ANKS1A: variants seen among roughly 807,000 people sequenced by gnomAD.
The protein encoded by ANKS1A is ankyrin repeat and SAM domain-containing protein 1A.
Under a neutral mutation model 120.3 loss-of-function variants are expected in ANKS1A, and 55 were observed. The observed-to-expected ratio is 0.46, with a 90% confidence interval of 0.37 to 0.57. The LOEUF (loss-of-function observed/expected upper bound fraction) is 0.57. Ranked by LOEUF, ANKS1A falls within the 20% of genes least tolerant of loss-of-function variation. The pLI is 0.00. For synonymous variants in ANKS1A, 590 were observed against 604.7 expected (o/e 0.98, Z 0.36); for missense variants, 1,123 against 1,480.3 (o/e 0.76, Z 3.96).
At chr6:34,921,569 G>A (rs1768435093) in intron 1 of ANKS1A, among the ~76,000 whole-genome samples, 1 of 152,150 alleles carries the variant, frequency 6.6e-6, no homozygotes. Context: ...GCATCCATCT[G>A]CTGAGCTATT....
chr6:34,982,732 C>T lies in ANKS1A; in HGVS notation c.733-20C>T, dbSNP rs369620605. ...ACTGTTCTGATGACATCCCGCTCTG[C>T]GCTCTCGTTTGCTTTCCAGACGGAG... On this transcript the variant is annotated intron_variant, in intron 4 of 23. Coordinates refer to ENST00000360359, the MANE Select transcript of ANKS1A (RefSeq NM_015245.3). The surrounding 1 kb of genome is among the most constrained non-coding windows in gnomAD (Gnocchi z 4.9). 21 of 1,613,936 alleles carry T rather than the reference C, an allele frequency of 1.3e-5. No homozygotes were observed. The highest frequency in any genetic ancestry group is 1.6e-4 in the Middle Eastern group (1 of 6,082).
At chr6:35,034,188 C>T (rs1456756582) in intron 11 of ANKS1A, among the ~76,000 whole-genome samples, 7 of 152,206 alleles carry the variant, frequency 4.6e-5, no homozygotes, top group Admixed American at 2.6e-4. Context: ...CAAGGAACAG[C>T]ATATGTGTGT....
At position 35,091,287 on chromosome 6, in the gene ANKS1A, G is replaced by C; in HGVS notation, c.*2678G>C. 1 of 985,792 alleles carries C rather than the reference G, an allele frequency of 1.0e-6. No homozygotes were observed. The highest frequency in any genetic ancestry group is 1.2e-6 in the Non-Finnish European group (1 of 829,900). 61.1% of individuals were successfully genotyped at this position (985,792 alleles called of 1,614,324 possible). A position where few individuals can be genotyped will look rare whatever the true frequency, so the allele number is the denominator to read the frequency against. ...ACCAATCTGTGCAACAACATAGACT[G>C]ACCTCAGTACCCAAGAGAGTGTAAA... On this transcript the variant is annotated 3_prime_UTR_variant, in exon 24 of 24. Coordinates refer to ENST00000360359, the MANE Select transcript of ANKS1A (RefSeq NM_015245.3).
chr6:34,902,907 T>A (rs1433623300), intron 1 of ANKS1A, among the ~76,000 whole-genome samples: 1 of 152,222 alleles, frequency 6.6e-6, no homozygotes, highest in African/African-American at 2.4e-5. Context: ...CTTTAACATA[T>A]GTTCTTTTGT....
In ANKS1A at chr6:34,985,227, C is replaced by T. The variant is rs763460992; in HGVS notation, c.1158C>T (p.Ser386=). 5 of 1,614,140 alleles carry T rather than the reference C, an allele frequency of 3.1e-6. No homozygotes were observed. The highest frequency in any genetic ancestry group is 4.2e-6 in the Non-Finnish European group (5 of 1,180,022). Residue 386 remains serine, a synonymous_variant, in exon 8 of 24, where the codon TCC becomes TCT. Coordinates refer to ENST00000360359, the MANE Select transcript of ANKS1A (RefSeq NM_015245.3). ...MASGRSSDQD[S]TNKEAEAAGV... is the part of the protein sequence containing the mutation. ...GCGGGCGATCATCTGACCAAGACTC[C>T]ACGAACAAGGAGGCTGAGGCAGCAG...
At chr6:34,934,788 A>G (rs1769166538) in intron 1 of ANKS1A, among the ~76,000 whole-genome samples, 4 of 152,204 alleles carry the variant, frequency 2.6e-5, no homozygotes, top group Admixed American at 2.6e-4. Flanking sequence ...CATCTCAGCT[A>G]AAACAATCTA....
intron 12 of ANKS1A, among the ~76,000 whole-genome samples, chr6:35,055,563 C>T (rs529113408): frequency 4.4e-4 from 67 of 152,252 alleles, no homozygotes; most frequent in Admixed American, 1.2e-3. Context: ...CTCCTGACCT[C>T]GTGATCCGCC....
chr6:35,054,287 C>T (rs139655846), intron 12 of ANKS1A, 122 bp downstream of exon 12: 23 of 821,990 alleles, frequency 2.8e-5, no homozygotes, highest in Middle Eastern at 2.4e-4. Flanking sequence ...CTTCAGACCA[C>T]GTCATGCTCC....
intron 1 of ANKS1A, among the ~76,000 whole-genome samples, chr6:34,890,176 C>T (rs1216554807): frequency 6.6e-6 from 1 of 152,042 alleles, no homozygotes. Context: ...ACTGCAACCT[C>T]CGCCTCCCGG....
At chr6:34,980,770 A>G (rs1771863397) in intron 3 of ANKS1A, among the ~76,000 whole-genome samples, 1 of 152,232 alleles carries the variant, frequency 6.6e-6, no homozygotes, top group South Asian at 2.1e-4. Flanking sequence ...TGTCAGTAGT[A>G]AAAGAGCATA....
chr6:34,890,476 A>G (rs1766758243), intron 1 of ANKS1A, among the ~76,000 whole-genome samples: 1 of 152,184 alleles, frequency 6.6e-6, no homozygotes, highest in African/African-American at 2.4e-5. Context: ...TGAAGTTCAA[A>G]TTGTAGTTCC....
chr6:35,079,375 G>T (rs1053774519), intron 14 of ANKS1A, 141 bp from the exon 15 acceptor site: 3 of 956,644 alleles, frequency 3.1e-6, no homozygotes, highest in East Asian at 2.6e-5. Flanking sequence ...TGTGCGAAGT[G>T]GGGGGCTGGA....
chr6:35,001,731 G>C (rs1044862278), intron 10 of ANKS1A, among the ~76,000 whole-genome samples: 1 of 152,192 alleles, frequency 6.6e-6, no homozygotes, highest in Admixed American at 6.5e-5. Context: ...GTGGTATTGT[G>C]GTGGACCTTT....
intron 11 of ANKS1A, among the ~76,000 whole-genome samples, chr6:35,025,338 T>TA (rs1219193870): frequency 5.9e-5 from 9 of 151,836 alleles, no homozygotes; most frequent in African/African-American, 2.2e-4. Flanking sequence ...TCCATGGCCT[T>TA]GATGCTAACA....
At chr6:35,068,267 G>C (rs1776883420) in intron 13 of ANKS1A, among the ~76,000 whole-genome samples, 1 of 151,062 alleles carries the variant, frequency 6.6e-6, no homozygotes, top group Non-Finnish European at 1.5e-5. Flanking sequence ...GTAGGGAAGA[G>C]GTCGAGGGCC....
At position 35,088,605 on chromosome 6, in the gene ANKS1A, G is replaced by A; in HGVS notation, c.3402-1G>A. ...TCCCCCCATTGTTTGCTTCTGCCAA[G>A]CTGAGCCACTGAGGAACCACACTGT... is the stretch of plus-strand genomic sequence containing the variant. On this transcript the variant is annotated splice_acceptor_variant, in intron 23 of 23. Transcript: ENST00000360359. LOFTEE classifies it high-confidence loss of function. 2.5e-6 allele frequency: 4 copies of A among 1,614,200 alleles called. No homozygotes were observed. Among genetic ancestry groups the A allele is most frequent in the Non-Finnish European group, 3.4e-6 (4 of 1,180,044 alleles).
At chr6:34,924,933 C>T (rs1368903876) in intron 1 of ANKS1A, among the ~76,000 whole-genome samples, 1 of 152,142 alleles carries the variant, frequency 6.6e-6, no homozygotes, top group Non-Finnish European at 1.5e-5. Context: ...TTTCAGGAGT[C>T]TTAATTGCCT....
At chr6:34,972,058 A>G (rs1452132733) in intron 3 of ANKS1A, among the ~76,000 whole-genome samples, 1 of 152,208 alleles carries the variant, frequency 6.6e-6, no homozygotes, top group African/African-American at 2.4e-5. Flanking sequence ...ATATTCTTCA[A>G]TGTTGGAAAG....
intron 2 of ANKS1A, among the ~76,000 whole-genome samples, chr6:34,969,436 G>A (rs1771070176): frequency 6.6e-6 from 1 of 152,110 alleles, no homozygotes; most frequent in African/African-American, 2.4e-5. Flanking sequence ...TGTATTTTTA[G>A]CAGAGACGGG....
Sources: gnomAD v4.1 joint callset for allele counts (sites outside exome capture counted in the v4.1 genomes callset) on GRCh38, gnomAD v4.1.1 for gene constraint, Gnocchi (gnomAD v3.1) non-coding constraint, MANE v1.5 for transcripts, NCBI Gene and HGNC (gene_info 2026-07-23, HGNC 2026-07-21) for gene names.